The following PRPF8 variants were observed in gnomAD, a reference collection of about 807,000 sequenced individuals.
The protein encoded by PRPF8 is pre-mRNA processing factor 8.
Under a neutral mutation model 285.9 loss-of-function variants are expected in PRPF8, and 64 were observed. The observed-to-expected ratio is 0.22, with a 90% confidence interval of 0.18 to 0.28. The LOEUF (loss-of-function observed/expected upper bound fraction) is 0.28, where lower values mean the gene tolerates loss of function less well. Ranked by LOEUF, PRPF8 falls within the 10% of genes least tolerant of loss-of-function variation. The pLI is 1.00. For missense variants in PRPF8, 1,426 were observed against 3,026.7 expected (o/e 0.47, Z 12.41); for synonymous variants, 1,325 against 1,118.2 (o/e 1.18, Z -3.69).
In PRPF8 at chr17:1,661,826, A is replaced by G; in HGVS notation, c.4023-36T>C. The G allele has an allele frequency of 6.2e-7, 1 of 1,614,118 alleles. No homozygotes were observed. Among genetic ancestry groups the G allele is most frequent in the Non-Finnish European group, 8.5e-7 (1 of 1,180,002 alleles). On this transcript the variant is annotated intron_variant, in intron 25 of 42. Transcript: ENST00000304992. The surrounding 1 kb of genome is among the most constrained non-coding windows in gnomAD (Gnocchi z 7.3). ...GTACAACCAAGATTACAGAAAAAAT[A>G]AAGCCTAAAACTAAAGAAATACCCA...
chr17:1,661,923 G>A lies in PRPF8; in HGVS notation c.4005C>T (p.Ile1335=). The A allele has an allele frequency of 1.9e-6, 3 of 1,614,184 alleles. No individual in the cohort carries two copies. The highest frequency in any genetic ancestry group is 8.5e-7 in the Non-Finnish European group (1 of 1,180,036). The part of the protein sequence containing the change: ...LGMLSMGHVL[I]PQSDLRWSKQ... ...GGCTGTACCTGAGGTCGGATTGGGG[G>A]ATGAGCACATGGCCCATTGAGAGCA... The change falls in exon 25 of 43, where the codon ATC becomes ATT. Residue 1335 remains isoleucine (I), a synonymous_variant. Coordinates refer to ENST00000304992, the MANE Select transcript of PRPF8 (RefSeq NM_006445.4). This position sits in a 1 kb window ranked among gnomAD's most constrained non-coding sequence, Gnocchi z 7.3.
chr17:1,676,692 G>C lies in PRPF8; in HGVS notation c.2201C>G (p.Pro734Arg). Residue 734 changes from proline to arginine, a missense_variant, in exon 16 of 43, where the codon CCC (proline) becomes CGC (arginine). Physicochemically the swap from Pro to Arg is moderately radical, Grantham distance 103 (BLOSUM62 -2). Transcript: ENST00000304992. The surrounding 1 kb of genome is among the most constrained non-coding windows in gnomAD (Gnocchi z 6.3). ...GTATCGAAGGATCATATTCTCTATG[G>C]GCGTCGGCAGCCCAGGGACCTAAAA... The part of the protein sequence containing the change: ...IPWKVPGLPT[P>R]IENMILRYVK... The C allele has an allele frequency of 1.2e-6, 2 of 1,614,028 alleles. No individual in the cohort carries two copies. The highest frequency in any genetic ancestry group is 8.5e-7 in the Non-Finnish European group (1 of 1,180,028).
Position 1,653,285 on chromosome 17 carries a change from G to GA in PRPF8, c.6369+256dup. On this transcript the variant is annotated intron_variant, in intron 39 of 42. Transcript: ENST00000304992. The surrounding 1 kb of genome is among the most constrained non-coding windows in gnomAD (Gnocchi z 4.9). Reference sequence around the variant, plus strand: ...TGAGCCAGCACGCACACCTGGTCAGGAATTTGTTTCTGACCATATCTGTTC... The same window carrying GA: ...TGAGCCAGCACGCACACCTGGTCAGGAAATTTGTTTCTGACCATATCTGTTC... 1.7e-6 allele frequency: 1 copy of GA among 598,702 alleles called. No homozygotes were observed. The highest frequency in any genetic ancestry group is 3.0e-6 in the Non-Finnish European group (1 of 334,232). 37.1% of individuals were successfully genotyped at this position (598,702 alleles called of 1,614,324 possible). A position where few individuals can be genotyped will look rare whatever the true frequency, so the allele number is the denominator to read the frequency against.
At chr17:1,674,037 A>AT (rs1912474388) in intron 21 of PRPF8, 145 bp from the exon 22 acceptor site, 1 of 977,586 alleles carries the variant, frequency 1.0e-6, no homozygotes, top group Non-Finnish European at 1.5e-6. Flanking sequence ...TTATTTATTT[A>AT]TTTTTTGAGA....
At chr17:1,671,764 T>C (rs1262917114) in intron 24 of PRPF8, among the ~76,000 whole-genome samples, 1 of 140,666 alleles carries the variant, frequency 7.1e-6, no homozygotes, top group Non-Finnish European at 1.5e-5. Context: ...GGCAGGAGAA[T>C]GGCGTGAACC....
Position 1,659,119 on chromosome 17 carries a change from G to C in PRPF8, c.5138+238C>G, listed in dbSNP as rs777549212. On this transcript the variant is annotated intron_variant, in intron 32 of 42. Transcript: ENST00000304992. This position sits in a 1 kb window ranked among gnomAD's most constrained non-coding sequence, Gnocchi z 5.1. ...CGGTTCACTGCAAGCTCCGCCTCCC[G>C]GGTTCAAGTAATTCTCCCACCTCAA... The C allele has an allele frequency of 1.6e-6, 1 of 641,762 alleles. No individual in the cohort carries two copies. The highest frequency in any genetic ancestry group is 2.8e-6 in the Non-Finnish European group (1 of 360,486). 39.8% of individuals were successfully genotyped at this position (641,762 alleles called of 1,614,324 possible). A position where few individuals can be genotyped will look rare whatever the true frequency, so the allele number is the denominator to read the frequency against.
At position 1,677,188 on chromosome 17, in the gene PRPF8, C is replaced by T; in HGVS notation, c.1985-16G>A. 4 of 1,611,594 alleles carry T rather than the reference C, an allele frequency of 2.5e-6. No homozygotes were observed. The highest frequency in any genetic ancestry group is 3.4e-6 in the Non-Finnish European group (4 of 1,179,216). Reference sequence around the variant, plus strand: ...GAGTGTCGACCTGGAAGTAGAGTGTCCCAAGGGGATTACAAGGAAGATTCC... The same window carrying T: ...GAGTGTCGACCTGGAAGTAGAGTGTTCCAAGGGGATTACAAGGAAGATTCC... On this transcript the variant is annotated splice_polypyrimidine_tract_variant and intron_variant, in intron 14 of 42. Coordinates refer to ENST00000304992, the MANE Select transcript of PRPF8 (RefSeq NM_006445.4).
At position 1,675,099 on chromosome 17, in the gene PRPF8, G is replaced by C; in HGVS notation, c.3060+53C>G. On this transcript the variant is annotated intron_variant, in intron 20 of 42. Coordinates refer to ENST00000304992, the MANE Select transcript of PRPF8 (RefSeq NM_006445.4). The surrounding 1 kb of genome is among the most constrained non-coding windows in gnomAD (Gnocchi z 6.0). ...CCTCCTCAGCAAATTCTGAGTCAGTGGGCCAGACAAGCACTCCACACACAA... is the reference window on the plus strand; with the variant it reads ...CCTCCTCAGCAAATTCTGAGTCAGTCGGCCAGACAAGCACTCCACACACAA... The C allele has an allele frequency of 6.2e-7, 1 of 1,604,712 alleles. No homozygotes were observed. Among genetic ancestry groups the C allele is most frequent in the Non-Finnish European group, 8.5e-7 (1 of 1,174,342 alleles).
At chr17:1,674,789 G>T in intron 20 of PRPF8, 109 bp from the exon 21 acceptor site, 1 of 1,184,958 alleles carries the variant, frequency 8.4e-7, no homozygotes, top group Non-Finnish European at 1.2e-6. Context: ...TTCCACTCCC[G>T]AGGCGGAGTT....
chr17:1,670,350 C>T (rs1411082508), intron 24 of PRPF8, among the ~76,000 whole-genome samples: 1 of 152,196 alleles, frequency 6.6e-6, no homozygotes, highest in Admixed American at 6.5e-5. Flanking sequence ...GTCACCCATG[C>T]CAAAATCTGC....
rs185356676 is a variant in PRPF8 at position 1,684,790 on chromosome 17, C to G, written c.-22G>C. ...ACGCCTGCCACGCACCCCACAGGCCCTCACACAAGAGGCCGCTTTCCCCGC... is the reference window on the plus strand; with the variant it reads ...ACGCCTGCCACGCACCCCACAGGCCGTCACACAAGAGGCCGCTTTCCCCGC... On this transcript the variant is annotated 5_prime_UTR_variant, in exon 1 of 43. Transcript: ENST00000304992. 678 of 604,184 alleles carry G rather than the reference C, an allele frequency of 1.1e-3. 17 individuals carry two copies. In the East Asian group the frequency reaches 0.019, roughly 17 times the overall value. The allele number at this position is 604,184 out of a possible 1,614,324, so 37.4% of individuals were successfully genotyped here. A position where few individuals can be genotyped will look rare whatever the true frequency, so the allele number is the denominator to read the frequency against.
Position 1,653,707 on chromosome 17 carries a change from G to C in PRPF8, c.6228-24C>G. The C allele has an allele frequency of 6.2e-7, 1 of 1,614,170 alleles. No individual in the cohort carries two copies. The highest frequency in any genetic ancestry group is 1.1e-5 in the South Asian group (1 of 91,084). On this transcript the variant is annotated intron_variant, in intron 38 of 42. Transcript: ENST00000304992. The surrounding 1 kb of genome is among the most constrained non-coding windows in gnomAD (Gnocchi z 4.9). ...CCCTAAAAACAGGCAGGGAGTGTCA[G>C]CATCGCTCAGCCCAGCACCTTAGGT...
rs774127828 is a variant in PRPF8, at chr17:1,651,607, C to A, written c.6510+41G>T. On this transcript the variant is annotated intron_variant, in intron 40 of 42. Transcript: ENST00000304992. The surrounding 1 kb of genome is among the most constrained non-coding windows in gnomAD (Gnocchi z 5.1). Reference sequence around the variant, plus strand: ...ATCCCATCCACAGACAGGAATCGCACCAGCTTTTCCACACTCCCAGGCTCC... The same window carrying A: ...ATCCCATCCACAGACAGGAATCGCAACAGCTTTTCCACACTCCCAGGCTCC... 1.2e-6 allele frequency: 2 copies of A among 1,614,092 alleles called. No individual in the cohort carries two copies. The highest frequency in any genetic ancestry group is 8.5e-7 in the Non-Finnish European group (1 of 1,180,026).
chr17:1,683,815 G>A (rs1422328503), intron 2 of PRPF8, 114 bp from the exon 3 acceptor site: 2 of 1,240,106 alleles, frequency 1.6e-6, no homozygotes, highest in Non-Finnish European at 2.3e-6. Flanking sequence ...GCACCAGCAG[G>A]AAGAAGCACC....
chr17:1,672,868 A>G, intron 24 of PRPF8: 1 of 614,606 alleles, frequency 1.6e-6, no homozygotes, highest in Admixed American at 2.8e-5. Flanking sequence ...CAAGTCCACA[A>G]GAAGGAGGCT....
chr17:1,667,172 CAA>C (rs59519986), intron 24 of PRPF8, among the ~76,000 whole-genome samples: 2 of 144,470 alleles, frequency 1.4e-5, no homozygotes, highest in African/African-American at 2.5e-5. Flanking sequence ...GACTCCCTCT[CAA>C]AAAAAAAAAG....
At position 1,656,430 on chromosome 17, in the gene PRPF8, G is replaced by A; in HGVS notation, c.5755C>T (p.Leu1919Phe). Residue 1919 changes from leucine (L) to phenylalanine (F), a missense_variant, in exon 36 of 43, where the codon CTC becomes TTC. Around this residue, in one of 34 missense-constraint regions of PRPF8, gnomAD observed 29 missense variants for 86.4 expected, o/e 0.34. Transcript: ENST00000304992. ...ATAGTCTTGAGCCAGTCGTCATAGA[G>A]GTTGAAGAGAACCATCTGGGGCTCA... Reference protein sequence around the residue: ...ATEPQMVLFNLYDDWLKTISS... With the variant: ...ATEPQMVLFNFYDDWLKTISS... 6.2e-7 allele frequency: 1 copy of A among 1,614,186 alleles called. No homozygotes were observed. The highest frequency in any genetic ancestry group is 1.7e-5 in the Admixed American group (1 of 60,016).
intron 21 of PRPF8, among the ~76,000 whole-genome samples, 156 bp from the exon 22 acceptor site, chr17:1,674,048 C>T (rs983073705): frequency 6.6e-6 from 1 of 151,710 alleles, no homozygotes; most frequent in Non-Finnish European, 1.5e-5. Flanking sequence ...TTTTTTGAGA[C>T]AGTCTCGCTC....
chr17:1,678,983 A>G (rs1043543507), intron 11 of PRPF8, 34 bp downstream of exon 11: 2 of 1,613,876 alleles, frequency 1.2e-6, no homozygotes, highest in South Asian at 1.1e-5. Flanking sequence ...CCGTCCTTGA[A>G]GCCCAGGAGG....
Sources: gnomAD v4.1 joint callset for allele counts (sites outside exome capture counted in the v4.1 genomes callset) on GRCh38, gnomAD v4.1.1 for gene constraint, gnomAD v4.1.1 regional missense constraint, Gnocchi (gnomAD v3.1) non-coding constraint, MANE v1.5 for transcripts, NCBI Gene and HGNC (gene_info 2026-07-23, HGNC 2026-07-21) for gene names.